The following SEC16B variants were observed in gnomAD, a reference collection of about 807,000 sequenced individuals.
SEC16B encodes the protein SEC16 homolog B, endoplasmic reticulum export factor, also known as protein transport protein Sec16B.
Under a neutral mutation model 141.8 loss-of-function variants are expected in SEC16B, and 115 were observed. That is an observed-to-expected ratio of 0.81 (90% CI 0.70 to 0.95). The LOEUF is 0.95. Ranked by LOEUF, SEC16B falls within the 40% of genes least tolerant of loss-of-function variation. The pLI is 0.00. For missense variants in SEC16B, 1,291 were observed against 1,312.3 expected (o/e 0.98, Z 0.25); for synonymous variants, 493 against 492.5 (o/e 1.00, Z -0.01).
intron 11 of SEC16B, among the ~76,000 whole-genome samples, chr1:177,953,780 A>T (rs952819990): frequency 1.3e-5 from 2 of 152,116 alleles, no homozygotes; most frequent in African/African-American, 2.4e-5. Context: ...ACTGCCGCCA[A>T]TGCAGACTTC....
In SEC16B at chr1:177,940,710, G is replaced by A. The variant is rs1651214470; in HGVS notation, c.2027C>T (p.Ala676Val). Residue 676 changes from alanine to valine, a missense_variant, in exon 17 of 26, where the codon GCA (alanine) becomes GTA (valine). Ala to Val is a moderately conservative substitution (Grantham distance 64, BLOSUM62 0). Coordinates refer to ENST00000308284, the MANE Select transcript of SEC16B (RefSeq NM_033127.4). Reference sequence around the variant, plus strand: ...AGGATCTGACAGCTTCAGTTTCTCTGCTAGCTGTGCCAGGTTTCCAGATGG... The same window carrying A: ...AGGATCTGACAGCTTCAGTTTCTCTACTAGCTGTGCCAGGTTTCCAGATGG... ...PVLLVELIKL[A>V]EKLKLSDPLV... 4 of 1,612,432 alleles carry A rather than the reference G, an allele frequency of 2.5e-6. No individual in the cohort carries two copies. Among genetic ancestry groups the A allele is most frequent in the Non-Finnish European group, 3.4e-6 (4 of 1,178,998 alleles).
At chr1:177,935,832 T>C (rs1571308549) in intron 20 of SEC16B, among the ~76,000 whole-genome samples, 2 of 152,138 alleles carry the variant, frequency 1.3e-5, no homozygotes, top group East Asian at 1.9e-4. Flanking sequence ...CAATCAGAGC[T>C]AGATGGAATG....
chr1:177,955,416 C>T (rs1652522523), intron 10 of SEC16B, among the ~76,000 whole-genome samples: 1 of 152,258 alleles, frequency 6.6e-6, no homozygotes, highest in South Asian at 2.1e-4. Flanking sequence ...GGCATGATCT[C>T]AGCTCACTGC....
At chr1:177,941,349 T>C (rs1333846534) in intron 16 of SEC16B, among the ~76,000 whole-genome samples, 2 of 152,166 alleles carry the variant, frequency 1.3e-5, no homozygotes, top group African/African-American at 4.8e-5. Context: ...AAAGCAAAAA[T>C]TTAAGGGTAG....
intron 11 of SEC16B, among the ~76,000 whole-genome samples, chr1:177,953,195 G>A (rs553398907): frequency 2.5e-4 from 38 of 151,992 alleles, no homozygotes; most frequent in African/African-American, 8.7e-4. Context: ...TAGTAGAGAC[G>A]GGGTTTCACC....
At chr1:177,952,427 C>A (rs936485338) in intron 11 of SEC16B, among the ~76,000 whole-genome samples, 6 of 152,190 alleles carry the variant, frequency 3.9e-5, no homozygotes, top group African/African-American at 1.4e-4. Flanking sequence ...AAGCCCACAG[C>A]ACTCAGTGCC....
chr1:177,982,390 G>A (rs891536747), intron 1 of SEC16B, among the ~76,000 whole-genome samples: 4 of 152,224 alleles, frequency 2.6e-5, no homozygotes, highest in African/African-American at 9.6e-5. Flanking sequence ...ATGGGGATAA[G>A]TAATCCAAGA....
rs1482647816 is a variant in SEC16B at position 177,958,303 on chromosome 1, C to T, written c.1194G>A (p.Lys398=). Residue 398 remains lysine, a synonymous_variant, in exon 10 of 26, where the codon AAG becomes AAA. Transcript: ENST00000308284. ...TGGCCACAGGGGGCTGCCGCTTGTA[C>T]TTCTCCAGCTTCTTGCAGTCTTGCA... ...LLMQDCKKLE[K]YKRQPPVANL... is the part of the protein sequence containing the mutation. The T allele has an allele frequency of 4.3e-6, 7 of 1,609,764 alleles. No homozygotes were observed. The highest frequency in any genetic ancestry group is 5.9e-6 in the Non-Finnish European group (7 of 1,178,024).
At chr1:177,959,435 G>T (rs553405405) in intron 8 of SEC16B, 77 of 184,986 alleles carry the variant, frequency 4.2e-4, no homozygotes, top group Admixed American at 1.2e-3. Context: ...AATATGATTG[G>T]CATTATGATT....
At chr1:177,958,787 A>T in intron 9 of SEC16B, 53 bp downstream of exon 9, 2 of 1,571,690 alleles carry the variant, frequency 1.3e-6, no homozygotes, top group Non-Finnish European at 1.7e-6. Flanking sequence ...TATCTATCCC[A>T]TGAAGACTTA....
At position 177,968,056 on chromosome 1, in the gene SEC16B, A is replaced by G. The variant is rs896124876; in HGVS notation, c.-58-17T>C. 4 of 1,423,470 alleles carry G rather than the reference A, an allele frequency of 2.8e-6. No individual in the cohort carries two copies. Among genetic ancestry groups the G allele is most frequent in the Non-Finnish European group, 3.7e-6 (4 of 1,068,322 alleles). 88.2% of individuals were successfully genotyped at this position (1,423,470 alleles called of 1,614,324 possible). Reference sequence around the variant, plus strand: ...TTTATCTTCCTGCAGACAAAAGAAAAAGGAAAAAATCATCACTTGAAGCCT... The same window carrying G: ...TTTATCTTCCTGCAGACAAAAGAAAGAGGAAAAAATCATCACTTGAAGCCT... On this transcript the variant is annotated splice_polypyrimidine_tract_variant and intron_variant, in intron 1 of 25. Transcript: ENST00000308284.
In SEC16B at chr1:177,948,321, G is replaced by A. The variant is rs10913471; in HGVS notation, c.1546-379C>T. On this transcript the variant is annotated intron_variant, in intron 12 of 25. Coordinates refer to ENST00000308284, the MANE Select transcript of SEC16B (RefSeq NM_033127.4). Reference sequence around the variant, plus strand: ...GGAGAAGGAAGATCAAACATCCTTGGCTTATGAGTAGAAGAGGCCACAGCC... The same window carrying A: ...GGAGAAGGAAGATCAAACATCCTTGACTTATGAGTAGAAGAGGCCACAGCC... 2.2e-3 allele frequency: 2,773 copies of A among 1,288,280 alleles called. 70 individuals carry two copies. The African/African-American group carries it at 0.038, about 18-fold the overall frequency. The allele number at this position is 1,288,280 out of a possible 1,614,324, so 79.8% of individuals were successfully genotyped here.
intron 1 of SEC16B, among the ~76,000 whole-genome samples, chr1:177,979,754 G>A (rs1376873316): frequency 6.6e-6 from 1 of 152,352 alleles, no homozygotes; most frequent in African/African-American, 2.4e-5. Context: ...CACAATCATG[G>A]CAGAAGGCAA....
In SEC16B at chr1:177,958,282, C is replaced by T; in HGVS notation, c.1215G>A (p.Val405=). 5 of 1,610,586 alleles carry T rather than the reference C, an allele frequency of 3.1e-6. No homozygotes were observed. Among genetic ancestry groups the T allele is most frequent in the South Asian group, 1.1e-5 (1 of 89,808 alleles). The change falls in exon 10 of 26, where the codon GTG becomes GTA. Residue 405 remains valine (V), a synonymous_variant. Coordinates refer to ENST00000308284, the MANE Select transcript of SEC16B (RefSeq NM_033127.4). ...CATCGGTCAGGTTGATGAGGTTGGCCACAGGGGGCTGCCGCTTGTACTTCT... is the reference window on the plus strand; with the variant it reads ...CATCGGTCAGGTTGATGAGGTTGGCTACAGGGGGCTGCCGCTTGTACTTCT... The part of the protein sequence containing the change: ...KLEKYKRQPP[V]ANLINLTDED...
At position 177,947,889 on chromosome 1, in the gene SEC16B, C is replaced by G; in HGVS notation, c.1599G>C (p.Leu533=). The change falls in exon 13 of 26, where the codon CTG becomes CTC. Residue 533 remains leucine (L), a synonymous_variant. Transcript: ENST00000308284. The part of the protein sequence containing the change: ...GDWRPHLAVI[L]SNQAGDPELY... Reference sequence around the variant, plus strand: ...GCTCTGGGTCCCCAGCCTGATTCGACAGAATCACAGCCAAGTGAGGCCTCC... The same window carrying G: ...GCTCTGGGTCCCCAGCCTGATTCGAGAGAATCACAGCCAAGTGAGGCCTCC... 1.9e-6 allele frequency: 3 copies of G among 1,560,476 alleles called. No homozygotes were observed. The highest frequency in any genetic ancestry group is 2.6e-6 in the Non-Finnish European group (3 of 1,152,268).
chr1:177,958,754 T>C lies in SEC16B; in HGVS notation c.1134+86A>G, dbSNP rs1468387550. On this transcript the variant is annotated intron_variant, in intron 9 of 25. Coordinates refer to ENST00000308284, the MANE Select transcript of SEC16B (RefSeq NM_033127.4). ...GTGGCTTCTTTAATATTGCTTTTCA[T>C]AATCATGTCATAAACATAATCTTAT... The C allele has an allele frequency of 2.0e-6, 3 of 1,477,032 alleles. No individual in the cohort carries two copies. The East Asian group carries it at 6.9e-5, about 34-fold the overall frequency. 91.5% of individuals were successfully genotyped at this position (1,477,032 alleles called of 1,614,324 possible). A position where few individuals can be genotyped will look rare whatever the true frequency, so the allele number is the denominator to read the frequency against.
intron 11 of SEC16B, among the ~76,000 whole-genome samples, chr1:177,953,992 C>G (rs942917089): frequency 3.3e-5 from 5 of 152,064 alleles, no homozygotes; most frequent in African/African-American, 4.8e-5. Flanking sequence ...TGGAACAGCC[C>G]CTCCCAAAGA....
chr1:177,962,108 T>C (rs576500761), intron 5 of SEC16B, among the ~76,000 whole-genome samples: 2 of 152,236 alleles, frequency 1.3e-5, no homozygotes, highest in East Asian at 3.9e-4. Flanking sequence ...AGAGTCTCAC[T>C]CTGTCACCAG....
chr1:177,980,348 T>G (rs145565964), intron 1 of SEC16B, among the ~76,000 whole-genome samples: 1 of 152,284 alleles, frequency 6.6e-6, no homozygotes, highest in East Asian at 1.9e-4. Context: ...ATTCATTTAT[T>G]TATGAAATAA....
Sources: gnomAD v4.1 joint callset for allele counts (sites outside exome capture counted in the v4.1 genomes callset) on GRCh38, gnomAD v4.1.1 for gene constraint, MANE v1.5 for transcripts, NCBI Gene and HGNC (gene_info 2026-07-23, HGNC 2026-07-21) for gene names.